Variants in MARCO observed in about 807,000 individuals in gnomAD.
The protein encoded by MARCO is macrophage receptor with collagenous structure, also known as macrophage receptor MARCO.
A neutral mutation model predicts 70.0 loss-of-function variants in MARCO; 72 were observed. The observed-to-expected ratio is 1.03, with a 90% CI of 0.85 to 1.25. The LOEUF is 1.25. Ranked by LOEUF, MARCO falls within the 50% of genes most tolerant of loss-of-function variation. The probability of loss-of-function intolerance (pLI) is 0.00; values close to 1 mark genes in which losing one functional copy is unlikely to be tolerated. For synonymous variants in MARCO, 273 were observed against 243.1 expected, an observed-to-expected ratio of 1.12 and a Z score of -1.14; for missense variants, 696 against 659.3, an observed-to-expected ratio of 1.06 and a Z score of -0.61.
At chr2:118,981,058 T>C (rs1400085097) in intron 8 of MARCO, among the ~76,000 whole-genome samples, 1 of 152,188 alleles carries the variant, frequency 6.6e-6, no homozygotes, top group Non-Finnish European at 1.5e-5. Context: ...AATACTCAGG[T>C]TTCAATTTTT....
intron 1 of MARCO, chr2:118,944,844 G>T (rs890318427): frequency 6.6e-6 from 1 of 152,100 alleles, no homozygotes; most frequent in Non-Finnish European, 1.5e-5. Flanking sequence ...AGTGCAACTT[G>T]CATCCCTCTT....
At chr2:118,988,526 GA>G (rs1397899118) in intron 12 of MARCO, among the ~76,000 whole-genome samples, 1 of 152,064 alleles carries the variant, frequency 6.6e-6, no homozygotes, top group Admixed American at 6.5e-5. Flanking sequence ...CTGCATCCCA[GA>G]GGGTGCCATG....
chr2:118,990,839 A>T (rs1229146649), intron 13 of MARCO, among the ~76,000 whole-genome samples: 1 of 152,108 alleles, frequency 6.6e-6, no homozygotes, highest in Non-Finnish European at 1.5e-5. Flanking sequence ...TGAGGGGTGT[A>T]GCGTATGGGG....
chr2:118,973,313 G>T (rs1047384783), intron 4 of MARCO, among the ~76,000 whole-genome samples: 2 of 151,648 alleles, frequency 1.3e-5, no homozygotes, highest in Non-Finnish European at 1.5e-5. Context: ...GAATATAGAT[G>T]TATGTACATA....
chr2:118,981,365 T>C (rs1680384984), intron 8 of MARCO, 44 bp from the exon 9 acceptor site: 2 of 1,282,918 alleles, frequency 1.6e-6, no homozygotes, highest in Non-Finnish European at 2.2e-6. Context: ...GGTGGCCTGA[T>C]TGGAGTTCCT....
chr2:118,963,304 A>G (rs1048970619), intron 1 of MARCO, among the ~76,000 whole-genome samples: 18 of 145,544 alleles, frequency 1.2e-4, no homozygotes, highest in African/African-American at 4.8e-4. Flanking sequence ...ATTTCCTTTC[A>G]TTTGTATTTT....
chr2:118,981,504 C>G lies in MARCO; in HGVS notation c.862C>G (p.Pro288Ala), dbSNP rs1490084839. The G allele has an allele frequency of 6.2e-6, 10 of 1,600,630 alleles. No individual in the cohort carries two copies. The Admixed American group carries it at 1.3e-4, about 20-fold the overall frequency. The change falls in exon 9 of 17, where the codon CCA (proline) becomes GCA (alanine). Residue 288 changes from proline (P) to alanine (A), a missense_variant. Physicochemically the swap from Pro to Ala is conservative, Grantham distance 27. Transcript: ENST00000327097. ...SKGDFGRPGP[P>A]GLAGFPGAKG... ...AGGTGACTTCGGGAGGCCAGGCCCA[C>G]CAGGTAAGAGGGCACGTGGTCACAT...
intron 1 of MARCO, among the ~76,000 whole-genome samples, chr2:118,947,913 A>AGAT (rs779222757): frequency 5.3e-5 from 8 of 152,334 alleles, no homozygotes; most frequent in South Asian, 2.1e-4. Context: ...TTACACCTAT[A>AGAT]GATAAATGTA....
intron 8 of MARCO, among the ~76,000 whole-genome samples, chr2:118,979,998 T>C (rs565743352): frequency 4.6e-5 from 7 of 152,314 alleles, no homozygotes; most frequent in Admixed American, 4.6e-4. Flanking sequence ...CAGAGTGTGG[T>C]CCTCTGACTG....
At chr2:118,947,676 T>C (rs1243897122) in intron 1 of MARCO, among the ~76,000 whole-genome samples, 2 of 152,228 alleles carry the variant, frequency 1.3e-5, no homozygotes, top group Middle Eastern at 3.2e-3. Flanking sequence ...GCATTCTTTA[T>C]TCTATTCCAG....
chr2:118,974,929 A>G, intron 6 of MARCO, among the ~76,000 whole-genome samples: 1 of 152,040 alleles, frequency 6.6e-6, no homozygotes, highest in Non-Finnish European at 1.5e-5. Flanking sequence ...ATGCACCTCC[A>G]CCTTGGACTA....
chr2:118,959,331 A>G (rs914049340), intron 1 of MARCO, among the ~76,000 whole-genome samples: 6 of 152,254 alleles, frequency 3.9e-5, no homozygotes, highest in African/African-American at 1.2e-4. Flanking sequence ...AGGATATGAA[A>G]AAACAATTCT....
intron 1 of MARCO, among the ~76,000 whole-genome samples, chr2:118,967,901 C>G (rs977664938): frequency 7.9e-5 from 12 of 152,170 alleles, no homozygotes; most frequent in African/African-American, 2.9e-4. Context: ...CCCTTGGGGC[C>G]CATTTCAACT....
chr2:118,982,551 C>A (rs1680414727), intron 12 of MARCO, 141 bp downstream of exon 12: 2 of 794,976 alleles, frequency 2.5e-6, no homozygotes, highest in East Asian at 5.0e-5. Flanking sequence ...GTTATGGGGG[C>A]AGTTGCCCCT....
intron 1 of MARCO, among the ~76,000 whole-genome samples, chr2:118,945,288 G>A (rs1474420534): frequency 6.6e-6 from 1 of 152,064 alleles, no homozygotes; most frequent in African/African-American, 2.4e-5. Flanking sequence ...TCTGGCTTTA[G>A]GCTTCCTGTC....
chr2:118,972,885 C>A (rs1680199293), intron 4 of MARCO, among the ~76,000 whole-genome samples: 1 of 152,216 alleles, frequency 6.6e-6, no homozygotes, highest in African/African-American at 2.4e-5. Flanking sequence ...CTGCCTGTCA[C>A]CCGCCCTAGG....
intron 1 of MARCO, among the ~76,000 whole-genome samples, chr2:118,945,404 C>CTTTT (rs55684033): frequency 8.1e-5 from 10 of 123,056 alleles, no homozygotes; most frequent in East Asian, 2.4e-4. Flanking sequence ...CCTCTTGTTT[C>CTTTT]TTTTTTTTTT....
intron 1 of MARCO, among the ~76,000 whole-genome samples, chr2:118,947,476 G>A (rs536330068): frequency 9.2e-5 from 14 of 152,106 alleles, no homozygotes; most frequent in East Asian, 5.8e-4. Flanking sequence ...ATGCCTGCCC[G>A]TGATCCATTT....
chr2:118,983,295 G>A (rs76700854), intron 12 of MARCO, among the ~76,000 whole-genome samples: 4,081 of 152,232 alleles, frequency 0.027, 90 homozygotes, highest in Non-Finnish European at 0.043. Context: ...CAGACAACCT[G>A]GATGCCCTCA....
Sources: gnomAD v4.1 joint callset for allele counts (sites outside exome capture counted in the v4.1 genomes callset) on GRCh38, gnomAD v4.1.1 for gene constraint, MANE v1.5 for transcripts, NCBI Gene and HGNC (gene_info 2026-07-23, HGNC 2026-07-21) for gene names.